SSBP2: variants seen among roughly 807,000 people sequenced by gnomAD.
SSBP2 encodes single-stranded DNA-binding protein 2.
SSBP2 carries 17 observed loss-of-function variants against 61.8 expected under a neutral mutation model. The observed-to-expected ratio is 0.28, with a 90% CI of 0.19 to 0.41. The LOEUF is 0.41. Ranked by LOEUF, SSBP2 falls within the 10% of genes least tolerant of loss-of-function variation. The pLI is 1.00. For synonymous variants in SSBP2, 139 were observed against 141.3 expected, an observed-to-expected ratio of 0.98 and a Z score of 0.12; for missense variants, 310 against 458.7, an observed-to-expected ratio of 0.68 and a Z score of 2.96.
intron 4 of SSBP2, among the ~76,000 whole-genome samples, chr5:81,586,338 C>T (rs1775053500): frequency 6.6e-6 from 1 of 152,086 alleles, no homozygotes; most frequent in African/African-American, 2.4e-5. Flanking sequence ...TGATAACAGC[C>T]ATCTTAATAG....
chr5:81,590,474 A>G (rs1775414844), intron 4 of SSBP2, among the ~76,000 whole-genome samples: 1 of 152,250 alleles, frequency 6.6e-6, no homozygotes, highest in African/African-American at 2.4e-5. Flanking sequence ...TGAGCACTTG[A>G]TTATCTGAAG....
intron 4 of SSBP2, among the ~76,000 whole-genome samples, chr5:81,534,559 C>A (rs1580944857): frequency 6.6e-6 from 1 of 152,000 alleles, no homozygotes; most frequent in Non-Finnish European, 1.5e-5. Flanking sequence ...AACACTGTTA[C>A]ACAAATAAAG....
intron 1 of SSBP2, among the ~76,000 whole-genome samples, chr5:81,702,863 A>T (rs1754088807): frequency 6.6e-6 from 1 of 152,196 alleles, no homozygotes; most frequent in East Asian, 1.9e-4. Context: ...GTTGCCAATC[A>T]AGCCTTATAT....
intron 12 of SSBP2, 57 bp downstream of exon 12, chr5:81,446,811 A>G: frequency 1.3e-6 from 2 of 1,520,096 alleles, no homozygotes; most frequent in Non-Finnish European, 1.8e-6. Flanking sequence ...CAATTTCTAT[A>G]TTCTGTGATT....
At chr5:81,737,606 C>T (rs1288215047) in intron 1 of SSBP2, among the ~76,000 whole-genome samples, 1 of 144,380 alleles carries the variant, frequency 6.9e-6, no homozygotes, top group Non-Finnish European at 1.5e-5. Flanking sequence ...CACGGTGAAA[C>T]CCCGTCTCTA....
chr5:81,438,175 A>C (rs1192084410), intron 14 of SSBP2, among the ~76,000 whole-genome samples: 1 of 151,980 alleles, frequency 6.6e-6, no homozygotes, highest in Admixed American at 6.6e-5. Context: ...ACACGGTGAA[A>C]TCACACCTCT....
chr5:81,693,931 G>A (rs374533820), intron 1 of SSBP2, among the ~76,000 whole-genome samples: 3 of 152,128 alleles, frequency 2.0e-5, no homozygotes, highest in African/African-American at 7.2e-5. Flanking sequence ...AGCAATCTTA[G>A]CGTCCATCAA....
At chr5:81,638,653 C>T (rs1303694583) in intron 2 of SSBP2, among the ~76,000 whole-genome samples, 1 of 151,964 alleles carries the variant, frequency 6.6e-6, no homozygotes, top group East Asian at 1.9e-4. Context: ...GTCACCAGCA[C>T]CCACAAAATT....
chr5:81,558,471 T>C (rs1214368331), intron 4 of SSBP2, among the ~76,000 whole-genome samples: 4 of 152,216 alleles, frequency 2.6e-5, no homozygotes, highest in Admixed American at 2.6e-4. Context: ...TAACACCTGG[T>C]GCAGTCCTGG....
intron 5 of SSBP2, among the ~76,000 whole-genome samples, chr5:81,491,504 G>C (rs995318783): frequency 2.6e-5 from 4 of 152,138 alleles, no homozygotes; most frequent in Non-Finnish European, 2.9e-5. Flanking sequence ...TTGTGAATGA[G>C]TGTATGTTAA....
intron 5 of SSBP2, among the ~76,000 whole-genome samples, chr5:81,505,515 C>G (rs1768115433): frequency 6.6e-6 from 1 of 152,062 alleles, no homozygotes; most frequent in African/African-American, 2.4e-5. Flanking sequence ...GTTTCTGTAA[C>G]CAACACTAAA....
intron 1 of SSBP2, among the ~76,000 whole-genome samples, chr5:81,656,090 G>C (rs112298842): frequency 1.1e-3 from 163 of 152,192 alleles, no homozygotes; most frequent in African/African-American, 3.6e-3. Context: ...TCTGTCACCA[G>C]GCTGTGCCAG....
At chr5:81,561,932 T>C (rs1773070053) in intron 4 of SSBP2, among the ~76,000 whole-genome samples, 2 of 152,224 alleles carry the variant, frequency 1.3e-5, no homozygotes. Flanking sequence ...GAGATGGAGT[T>C]TCACTCTTGT....
chr5:81,439,342 G>A (rs1541830), intron 14 of SSBP2, among the ~76,000 whole-genome samples: 69,383 of 151,686 alleles, frequency 0.46, 19,439 homozygotes, highest in African/African-American at 0.8. Context: ...TTTTGCATTT[G>A]ACCTATGTGA....
chr5:81,461,535 A>G (rs1049384630), intron 9 of SSBP2, among the ~76,000 whole-genome samples: 1 of 152,076 alleles, frequency 6.6e-6, no homozygotes, highest in Non-Finnish European at 1.5e-5. Flanking sequence ...ATGTAAAATG[A>G]TTGATCTTAA....
chr5:81,723,385 C>T (rs538162178), intron 1 of SSBP2, among the ~76,000 whole-genome samples: 100 of 151,990 alleles, frequency 6.6e-4, no homozygotes, highest in African/African-American at 2.2e-3. Flanking sequence ...TAATTTCCCC[C>T]AACTCCATTT....
chr5:81,681,211 T>C (rs1217854836), intron 1 of SSBP2, among the ~76,000 whole-genome samples: 1 of 152,090 alleles, frequency 6.6e-6, no homozygotes, highest in Non-Finnish European at 1.5e-5. Flanking sequence ...AATTTATAAA[T>C]ATTTTGAACT....
chr5:81,702,463 T>TATA (rs1343257057), intron 1 of SSBP2, among the ~76,000 whole-genome samples: 1 of 152,198 alleles, frequency 6.6e-6, no homozygotes, highest in African/African-American at 2.4e-5. Context: ...ATCTCACTTA[T>TATA]ATAAGGGCTC....
At chr5:81,549,957 T>C (rs1035492402) in intron 4 of SSBP2, among the ~76,000 whole-genome samples, 13 of 152,324 alleles carry the variant, frequency 8.5e-5, no homozygotes, top group African/African-American at 3.1e-4. Context: ...GTGCCCTGCT[T>C]TTCTAATAGC....
Sources: allele counts gnomAD v4.1 joint callset (sites outside exome capture counted in the v4.1 genomes callset), GRCh38; gene constraint gnomAD v4.1.1; transcripts MANE v1.5; gene names NCBI Gene and HGNC (gene_info 2026-07-23, HGNC 2026-07-21).